Variants in SPACA7 observed in about 807,000 individuals in gnomAD.
SPACA7 encodes sperm acrosome-associated protein 7.
Under a neutral mutation model 26.3 loss-of-function variants are expected in SPACA7, and 19 were observed. That is an observed-to-expected ratio of 0.72 (90% CI 0.50 to 1.06). The LOEUF is 1.06. SPACA7 is among the 50% of genes least tolerant of loss of function. The probability of loss-of-function intolerance (pLI) is 0.00; values close to 1 mark genes in which losing one functional copy is unlikely to be tolerated. For missense variants in SPACA7, 211 were observed against 229.9 expected (o/e 0.92, Z 0.53); for synonymous variants, 84 against 84.5 (o/e 0.99, Z 0.04).
At chr13:112,396,829 C>T (rs1022883406) in intron 2 of SPACA7, among the ~76,000 whole-genome samples, 2 of 152,192 alleles carry the variant, frequency 1.3e-5, no homozygotes, top group African/African-American at 2.4e-5. Flanking sequence ...CTGAGGTTGT[C>T]CTGGCCTCTC....
chr13:112,411,435 G>T (rs376965238), intron 5 of SPACA7, among the ~76,000 whole-genome samples: 1 of 151,896 alleles, frequency 6.6e-6, no homozygotes, highest in African/African-American at 2.4e-5. Flanking sequence ...CATTTCTTTG[G>T]GTTGAGAACA....
chr13:112,420,715 T>C (rs754953605), intron 5 of SPACA7, among the ~76,000 whole-genome samples: 9 of 151,904 alleles, frequency 5.9e-5, no homozygotes, highest in Non-Finnish European at 1.3e-4. Flanking sequence ...GATCCAAGTA[T>C]CTCAGAGAAC....
At chr13:112,406,309 G>C (rs2138982777) in intron 5 of SPACA7, among the ~76,000 whole-genome samples, 1 of 152,230 alleles carries the variant, frequency 6.6e-6, no homozygotes, top group East Asian at 1.9e-4. Flanking sequence ...CTATGAATTT[G>C]ACTAGTCAGG....
At chr13:112,425,078 A>G (rs1045822432) in intron 5 of SPACA7, among the ~76,000 whole-genome samples, 1 of 152,228 alleles carries the variant, frequency 6.6e-6, no homozygotes, top group South Asian at 2.1e-4. Context: ...ATTCATTAAC[A>G]TGGAGGATCC....
At chr13:112,380,586 C>G (rs1446624896) in intron 1 of SPACA7, among the ~76,000 whole-genome samples, 1 of 151,714 alleles carries the variant, frequency 6.6e-6, no homozygotes, top group Non-Finnish European at 1.5e-5. Flanking sequence ...AGATTTTTCT[C>G]TCTCTTTTTT....
At position 112,430,867 on chromosome 13, in the gene SPACA7, G is replaced by A. The variant is rs190725976; in HGVS notation, c.446-1577G>A. Among the ~76,000 whole-genome samples, 199 of 152,332 alleles carry A rather than the reference G, an allele frequency of 1.3e-3. 2 individuals are homozygous for A. The highest frequency in any genetic ancestry group is 2.1e-3 in the Non-Finnish European group (143 of 68,030). The stretch of plus-strand genomic sequence containing the variant: ...GATAAAATGTTTTGTATTAAATGAT[G>A]AATTACATATGTTTCCACAAATAGC... On this transcript the variant is annotated intron_variant, in intron 5 of 6. Transcript: ENST00000283550.
intron 5 of SPACA7, among the ~76,000 whole-genome samples, chr13:112,424,500 T>C (rs1051095395): frequency 6.6e-6 from 1 of 152,052 alleles, no homozygotes. Context: ...ATATAGACAA[T>C]GGCATTGTGT....
intron 5 of SPACA7, among the ~76,000 whole-genome samples, chr13:112,421,194 T>C (rs1458064806): frequency 9.2e-6 from 1 of 109,024 alleles, no homozygotes; most frequent in Admixed American, 1.1e-4. Context: ...TACAATTGAA[T>C]CTCCAAAGGG....
chr13:112,392,970 A>G, intron 1 of SPACA7, 51 bp from the exon 2 acceptor site: 1 of 1,532,200 alleles, frequency 6.5e-7, no homozygotes, highest in Non-Finnish European at 9.0e-7. Context: ...AGAGAAAAAT[A>G]TGCAAATTCA....
intron 5 of SPACA7, among the ~76,000 whole-genome samples, chr13:112,408,765 A>G (rs1385987783): frequency 6.6e-6 from 1 of 152,192 alleles, no homozygotes; most frequent in Admixed American, 6.5e-5. Context: ...GGAAGAATAG[A>G]TATCATGAAA....
intron 1 of SPACA7, among the ~76,000 whole-genome samples, chr13:112,387,485 G>GATTTGCTACCACCT (rs1884602870): frequency 6.6e-6 from 1 of 152,170 alleles, no homozygotes; most frequent in Non-Finnish European, 1.5e-5. Context: ...AAGTACACCA[G>GATTTGCTACCACCT]ATTTGCTACC....
At chr13:112,386,862 T>G (rs1352293652) in intron 1 of SPACA7, among the ~76,000 whole-genome samples, 1 of 152,204 alleles carries the variant, frequency 6.6e-6, no homozygotes, top group East Asian at 1.9e-4. Flanking sequence ...TTACCAAAGG[T>G]AACCTCCTAG....
chr13:112,424,829 AC>A (rs1202115435), intron 5 of SPACA7, among the ~76,000 whole-genome samples: 1 of 151,958 alleles, frequency 6.6e-6, no homozygotes, highest in East Asian at 1.9e-4. Context: ...CTGTCTCAGT[AC>A]CTGCTGCTCT....
At position 112,393,071 on chromosome 13, in the gene SPACA7, T is replaced by A. The variant is rs1428856968; in HGVS notation, c.145T>A (p.Leu49Ile). The A allele has an allele frequency of 2.5e-6, 4 of 1,612,844 alleles. No individual in the cohort carries two copies. Among genetic ancestry groups the A allele is most frequent in the Non-Finnish European group, 3.4e-6 (4 of 1,179,152 alleles). ...TTCAAAACAGGAGGATATGTCTGAA[T>A]TATTAGGTAAGGAAGCCCCTCCTAT... ...FSSKQEDMSE[L>I]LDEILVQEIL... is the part of the protein sequence containing the mutation. Residue 49 changes from leucine to isoleucine, a missense_variant, in exon 2 of 7, where the codon TTA becomes ATA. Leu to Ile is a conservative substitution (Grantham distance 5). Transcript: ENST00000283550.
intron 1 of SPACA7, among the ~76,000 whole-genome samples, chr13:112,377,305 G>T (rs1250560894): frequency 1.3e-5 from 2 of 152,198 alleles, no homozygotes; most frequent in Non-Finnish European, 2.9e-5. Flanking sequence ...AATAAAAATT[G>T]ATTATCCTTG....
intron 5 of SPACA7, among the ~76,000 whole-genome samples, chr13:112,429,271 G>A (rs1876831415): frequency 6.7e-6 from 1 of 150,360 alleles, no homozygotes; most frequent in African/African-American, 2.4e-5. Context: ...AGCTACTCAG[G>A]AGGCTGAGGC....
rs1302268251 is a variant in SPACA7 at position 112,417,661 on chromosome 13, CT to C, written c.446-14780del. On this transcript the variant is annotated intron_variant, in intron 5 of 6. Coordinates refer to ENST00000283550, the MANE Select transcript of SPACA7 (RefSeq NM_145248.5). ...AAAATTCACATGTGCTTTTTAAGTT[CT>C]TTCTCTGTAGCCCTTTCTCTGATCT... is the stretch of plus-strand genomic sequence containing the variant. 2.6e-5 allele frequency among the ~76,000 whole-genome samples: 4 copies of C among 151,974 alleles called. No homozygotes were observed. The East Asian group carries it at 7.7e-4, about 29-fold the overall frequency.
intron 5 of SPACA7, among the ~76,000 whole-genome samples, chr13:112,417,821 T>A (rs1886787179): frequency 6.6e-6 from 1 of 152,216 alleles, no homozygotes; most frequent in African/African-American, 2.4e-5. Flanking sequence ...TGCTGATCAA[T>A]AAATGTTGCA....
intron 4 of SPACA7, among the ~76,000 whole-genome samples, chr13:112,399,377 C>T (rs9577743): frequency 1.5e-4 from 23 of 152,366 alleles, no homozygotes; most frequent in East Asian, 5.8e-4. Context: ...GCTGTGGGGC[C>T]GACCCTGGAA....
Sources: gnomAD v4.1 joint callset for allele counts (sites outside exome capture counted in the v4.1 genomes callset) on GRCh38, gnomAD v4.1.1 for gene constraint, MANE v1.5 for transcripts, NCBI Gene and HGNC (gene_info 2026-07-23, HGNC 2026-07-21) for gene names.